ZNF469: variants seen among roughly 807,000 people sequenced by gnomAD.
ZNF469 encodes the protein zinc finger protein 469.
Under a neutral mutation model 1.0 loss-of-function variants are expected in ZNF469, and 1 was observed. The ratio of observed to expected loss-of-function variants is 1.00; its 90% confidence interval spans 0.35 to 4.73. The LOEUF (loss-of-function observed/expected upper bound fraction) is 4.73. Ranked by LOEUF, ZNF469 falls within the 30% of genes most tolerant of loss-of-function variation. The probability of loss-of-function intolerance (pLI) is 0.16; values close to 1 mark genes in which losing one functional copy is unlikely to be tolerated. For missense variants in ZNF469, 6,100 were observed against 5,356.3 expected (o/e 1.14, Z -4.33); for synonymous variants, 2,703 against 2,363.4 (o/e 1.14, Z -4.17).
intron 1 of ZNF469, among the ~76,000 whole-genome samples, chr16:88,409,015 G>T (rs768798051): frequency 6.6e-6 from 1 of 152,230 alleles, no homozygotes; most frequent in African/African-American, 2.4e-5. Context: ...AGCCCAGCAG[G>T]GGGGCCCTCC....
chr16:88,430,372 G>C lies in ZNF469; in HGVS notation c.2902G>C (p.Gly968Arg). 2 of 1,516,644 alleles carry C rather than the reference G, an allele frequency of 1.3e-6. No homozygotes were observed. The highest frequency in any genetic ancestry group is 1.8e-6 in the Non-Finnish European group (2 of 1,136,092). The allele number at this position is 1,516,644 out of a possible 1,614,324, so 93.9% of individuals were successfully genotyped here. A position where few individuals can be genotyped will look rare whatever the true frequency, so the allele number is the denominator to read the frequency against. The stretch of plus-strand genomic sequence containing the variant: ...CTCGGGCGGCGCAGCAGAGGGGTCG[G>C]GGTCGGGCGGCGGCGGCAGAGCCTC... ...LDSGGAAEGS[G>R]SGGGGRASGL... Residue 968 changes from glycine to arginine, a missense_variant, in exon 3 of 3, where the codon GGG becomes CGG. Gly to Arg is a moderately radical substitution (Grantham distance 125). Coordinates refer to ENST00000565624, the MANE Select transcript of ZNF469 (RefSeq NM_001367624.2).
At chr16:88,350,506 G>T in the ZNF469 span, among the ~76,000 whole-genome samples, 1 of 152,364 alleles carries the variant, frequency 6.6e-6, no homozygotes, top group East Asian at 1.9e-4. Context: ...CCCTCTCAGA[G>T]CCTCAGTTTC....
the ZNF469 span, among the ~76,000 whole-genome samples, chr16:88,188,511 G>C: frequency 6.6e-6 from 1 of 152,176 alleles, no homozygotes; most frequent in African/African-American, 2.4e-5. Flanking sequence ...TGGATGGGCT[G>C]TTGCCATGGT....
rs1199019631 is a variant in ZNF469, at chr16:88,430,924, C to A, written c.3454C>A (p.Pro1152Thr). Residue 1152 changes from proline (P) to threonine (T), a missense_variant, in exon 3 of 3, where the codon CCC becomes ACC. Transcript: ENST00000565624. ...GCAGGAAGCCGGCGGGGACGGAGCC[C>A]CCGCGAACCCCGAGGAGCCGGGCGG... ...ARQEAGGDGAPANPEEPGGSR... is the reference protein window; with the variant it reads ...ARQEAGGDGATANPEEPGGSR... 6.5e-7 allele frequency: 1 copy of A among 1,536,230 alleles called. No individual in the cohort carries two copies. Among genetic ancestry groups the A allele is most frequent in the Non-Finnish European group, 8.7e-7 (1 of 1,145,384 alleles).
chr16:88,138,226 C>A, the ZNF469 span, among the ~76,000 whole-genome samples: 1 of 152,220 alleles, frequency 6.6e-6, no homozygotes, highest in Middle Eastern at 3.2e-3. Context: ...GTTGGTGAAT[C>A]ATTACTCACT....
At chr16:88,118,473 C>A in the ZNF469 span, among the ~76,000 whole-genome samples, 1 of 152,164 alleles carries the variant, frequency 6.6e-6, no homozygotes, top group Non-Finnish European at 1.5e-5. Context: ...GCCCAGAGAA[C>A]CGTGGGAGCA....
At chr16:88,304,679 G>A in the ZNF469 span, among the ~76,000 whole-genome samples, 2 of 152,164 alleles carry the variant, frequency 1.3e-5, no homozygotes, top group South Asian at 4.1e-4. Context: ...CTAACCCAAT[G>A]CATTCCTTCC....
the ZNF469 span, among the ~76,000 whole-genome samples, chr16:88,353,957 C>T: frequency 6.6e-6 from 1 of 152,230 alleles, no homozygotes; most frequent in Admixed American, 6.5e-5. Flanking sequence ...CTCCTCACAT[C>T]CGCCGTGAGG....
the ZNF469 span, among the ~76,000 whole-genome samples, chr16:88,153,046 G>A: frequency 6.8e-3 from 1,030 of 152,284 alleles, 7 homozygotes; most frequent in African/African-American, 0.024. Context: ...GGGGGGTGGC[G>A]CGAGGGTTCC....
chr16:88,248,808 G>A, the ZNF469 span, among the ~76,000 whole-genome samples: 9 of 152,192 alleles, frequency 5.9e-5, no homozygotes, highest in South Asian at 8.3e-4. Context: ...GTAGCAGAGC[G>A]GGGATCAGAA....
chr16:88,215,302 G>C, the ZNF469 span, among the ~76,000 whole-genome samples: 2 of 149,484 alleles, frequency 1.3e-5, no homozygotes, highest in Non-Finnish European at 3.0e-5. Flanking sequence ...TGTAATTACT[G>C]AAATACTTGC....
Position 88,436,774 on chromosome 16 carries a change from C to G in ZNF469, c.9304C>G (p.Gln3102Glu). 6.5e-7 allele frequency: 1 copy of G among 1,546,444 alleles called. No homozygotes were observed. Among genetic ancestry groups the G allele is most frequent in the Non-Finnish European group, 8.7e-7 (1 of 1,146,252 alleles). The change falls in exon 3 of 3, where the codon CAA (glutamine) becomes GAA (glutamate). Residue 3102 changes from glutamine (Q) to glutamate (E), a missense_variant. By Grantham distance (29) the Gln-to-Glu change is conservative. Coordinates refer to ENST00000565624, the MANE Select transcript of ZNF469 (RefSeq NM_001367624.2). ...TEEAAGAGRA[Q>E]GRGRPAKGRR... is the part of the protein sequence containing the mutation. ...GGAGGCTGCAGGGGCAGGGAGGGCC[C>G]AAGGCAGAGGCCGGCCGGCCAAGGG...
chr16:88,256,517 G>A, the ZNF469 span, among the ~76,000 whole-genome samples: 1 of 152,242 alleles, frequency 6.6e-6, no homozygotes, highest in East Asian at 1.9e-4. Context: ...ATAAACGTCT[G>A]TGTGTAGGTT....
the ZNF469 span, among the ~76,000 whole-genome samples, chr16:88,159,769 C>T: frequency 1.3e-5 from 2 of 152,184 alleles, no homozygotes; most frequent in Non-Finnish European, 2.9e-5. Context: ...TTGTCGTCTT[C>T]ACAGACACAT....
chr16:88,175,327 G>A, the ZNF469 span, among the ~76,000 whole-genome samples: 1 of 152,292 alleles, frequency 6.6e-6, no homozygotes, highest in Admixed American at 6.5e-5. Flanking sequence ...GTAACATGTG[G>A]AAGACCTGAA....
At chr16:88,253,094 G>C in the ZNF469 span, among the ~76,000 whole-genome samples, 1 of 152,142 alleles carries the variant, frequency 6.6e-6, no homozygotes. Flanking sequence ...CACCGTTTCA[G>C]GTCACTTACT....
chr16:88,151,288 C>A, the ZNF469 span, among the ~76,000 whole-genome samples: 1 of 152,228 alleles, frequency 6.6e-6, no homozygotes, highest in Non-Finnish European at 1.5e-5. This position sits in a 1 kb window ranked among gnomAD's most constrained non-coding sequence, Gnocchi z 5.4. Context: ...CACACGGGCG[C>A]GGGCCGTGGT....
At chr16:88,123,516 G>A in the ZNF469 span, among the ~76,000 whole-genome samples, 4 of 152,142 alleles carry the variant, frequency 2.6e-5, no homozygotes, top group Non-Finnish European at 4.4e-5. Flanking sequence ...ATAAACTGCC[G>A]TGGATATTAA....
the ZNF469 span, among the ~76,000 whole-genome samples, chr16:88,338,468 C>T: frequency 3.3e-5 from 5 of 152,182 alleles, no homozygotes; most frequent in Admixed American, 6.5e-5. Flanking sequence ...TGAGGCTCCA[C>T]GCCCCCAGGG....
Sources: allele counts gnomAD v4.1 joint callset (sites outside exome capture counted in the v4.1 genomes callset), GRCh38; gene constraint gnomAD v4.1.1; non-coding constraint Gnocchi (gnomAD v3.1); transcripts MANE v1.5; gene names NCBI Gene and HGNC (gene_info 2026-07-23, HGNC 2026-07-21).